The following DCDC2 variants were observed in gnomAD, a reference collection of about 807,000 sequenced individuals.
DCDC2 encodes the protein doublecortin domain-containing protein 2.
Under a neutral mutation model 50.2 loss-of-function variants are expected in DCDC2, and 40 were observed. The ratio of observed to expected loss-of-function variants is 0.80; its 90% CI spans 0.62 to 1.04. The LOEUF is 1.04. DCDC2 is among the 50% of genes least tolerant of loss of function. The pLI, the probability that DCDC2 is intolerant of heterozygous loss-of-function variation, is 0.00. For missense variants in DCDC2, 570 were observed against 581.9 expected (o/e 0.98, Z 0.21); for synonymous variants, 234 against 210.6 (o/e 1.11, Z -0.96).
chr6:24,271,350 A>G (rs1423985090), intron 7 of DCDC2, among the ~76,000 whole-genome samples: 1 of 152,178 alleles, frequency 6.6e-6, no homozygotes, highest in Non-Finnish European at 1.5e-5. Context: ...GCAAGAAGCA[A>G]AGAGGCCCTG....
intron 7 of DCDC2, among the ~76,000 whole-genome samples, chr6:24,228,395 C>T (rs764020883): frequency 6.6e-5 from 10 of 152,184 alleles, no homozygotes; most frequent in South Asian, 2.1e-4. Context: ...TTAAGTCTAA[C>T]GGTTGTCAAA....
chr6:24,264,040 G>T (rs1456025481), intron 7 of DCDC2, among the ~76,000 whole-genome samples: 1 of 152,188 alleles, frequency 6.6e-6, no homozygotes, highest in Non-Finnish European at 1.5e-5. Context: ...TCTGGTAGCA[G>T]ATTTCTCATT....
In DCDC2 at chr6:24,334,090, C is replaced by A. The variant is rs533526121; in HGVS notation, c.348+19479G>T. Among the ~76,000 whole-genome samples, 71 of 152,276 alleles carry A rather than the reference C, an allele frequency of 4.7e-4. 1 individual carries two copies. Among genetic ancestry groups the A allele is most frequent in the Non-Finnish European group, 8.4e-4 (57 of 68,016 alleles). On this transcript the variant is annotated intron_variant, in intron 2 of 9. Transcript: ENST00000378454. ...TATTGCTAATTGGAGTACAGTAATT[C>A]TGAAGCATGATTAGTGGAATTTGTT... is the stretch of plus-strand genomic sequence containing the variant.
chr6:24,179,971 A>AAAC (rs1554142617), intron 8 of DCDC2, among the ~76,000 whole-genome samples: 1 of 147,942 alleles, frequency 6.8e-6, no homozygotes, highest in Non-Finnish European at 1.5e-5. Context: ...AAAAAAAAAA[A>AAAC]CAAGGGGTGG....
At chr6:24,275,738 A>C (rs1382603110) in intron 7 of DCDC2, among the ~76,000 whole-genome samples, 1 of 152,168 alleles carries the variant, frequency 6.6e-6, no homozygotes, top group East Asian at 1.9e-4. Flanking sequence ...AGGAAGGCTT[A>C]TACCTTTTCT....
At chr6:24,182,629 G>A (rs77226117) in intron 8 of DCDC2, among the ~76,000 whole-genome samples, 196 of 105,824 alleles carry the variant, frequency 1.9e-3, no homozygotes, top group Non-Finnish European at 2.5e-3. Flanking sequence ...ATGATGACAA[G>A]AAAAAAAAAA....
At chr6:24,334,268 G>C (rs1760017903) in intron 2 of DCDC2, among the ~76,000 whole-genome samples, 1 of 152,176 alleles carries the variant, frequency 6.6e-6, no homozygotes, top group Non-Finnish European at 1.5e-5. Context: ...ATACTTACTG[G>C]AAATGCTGGA....
intron 4 of DCDC2, among the ~76,000 whole-genome samples, chr6:24,299,646 G>A (rs988878299): frequency 1.3e-5 from 2 of 152,220 alleles, no homozygotes; most frequent in African/African-American, 4.8e-5. Flanking sequence ...AGTCGCAGTG[G>A]CTCACACCTG....
At chr6:24,192,494 A>G (rs1561884545) in intron 8 of DCDC2, among the ~76,000 whole-genome samples, 2 of 152,174 alleles carry the variant, frequency 1.3e-5, no homozygotes, top group Non-Finnish European at 2.9e-5. Context: ...GACAAAGAAA[A>G]CAAAAAAGAA....
intron 7 of DCDC2, among the ~76,000 whole-genome samples, chr6:24,249,571 A>G (rs1461317728): frequency 6.6e-6 from 1 of 152,226 alleles, no homozygotes; most frequent in African/African-American, 2.4e-5. Flanking sequence ...TTAGGTTTCT[A>G]TCTCCTTATA....
At chr6:24,201,154 T>C (rs982794166) in intron 8 of DCDC2, among the ~76,000 whole-genome samples, 1 of 152,128 alleles carries the variant, frequency 6.6e-6, no homozygotes, top group African/African-American at 2.4e-5. Flanking sequence ...CAAGCAGACC[T>C]AATAGACATC....
chr6:24,362,930 G>A (rs1369814908), upstream of DCDC2, among the ~76,000 whole-genome samples: 1 of 152,124 alleles, frequency 6.6e-6, no homozygotes, highest in East Asian at 1.9e-4. Flanking sequence ...CTTCTCTCTT[G>A]TGCAAAGTCC....
intron 7 of DCDC2, among the ~76,000 whole-genome samples, chr6:24,238,918 G>T (rs1010222017): frequency 6.6e-6 from 1 of 152,158 alleles, no homozygotes; most frequent in Admixed American, 6.5e-5. Flanking sequence ...CTCAAGGTGT[G>T]CAAGCAACTC....
intron 2 of DCDC2, among the ~76,000 whole-genome samples, chr6:24,348,674 G>C (rs1432672023): frequency 6.6e-6 from 1 of 152,088 alleles, no homozygotes; most frequent in Non-Finnish European, 1.5e-5. Flanking sequence ...TTTGATCTAA[G>C]AGAAGCAGGC....
intron 6 of DCDC2, among the ~76,000 whole-genome samples, chr6:24,285,037 C>G (rs66531067): frequency 3.3e-5 from 5 of 151,970 alleles, no homozygotes; most frequent in Admixed American, 2.0e-4. Context: ...TACCCTCCCC[C>G]CCACACACAC....
chr6:24,191,929 C>G (rs1761321639), intron 8 of DCDC2, among the ~76,000 whole-genome samples: 1 of 152,066 alleles, frequency 6.6e-6, no homozygotes, highest in African/African-American at 2.4e-5. Flanking sequence ...GAAAGGGAAG[C>G]CAAGAAGCAA....
intron 1 of DCDC2, 132 bp downstream of exon 1, chr6:24,357,326 G>C: frequency 9.4e-7 from 1 of 1,065,690 alleles, no homozygotes; most frequent in Non-Finnish European, 1.3e-6. Context: ...AGTTTTGAGG[G>C]GCATCAATCA....
intron 2 of DCDC2, among the ~76,000 whole-genome samples, chr6:24,305,371 T>A (rs1759452032): frequency 6.6e-6 from 1 of 152,176 alleles, no homozygotes. Context: ...ATAACTAAAT[T>A]ACTGTTTTCA....
At chr6:24,238,561 A>G (rs1447551930) in intron 7 of DCDC2, among the ~76,000 whole-genome samples, 1 of 151,970 alleles carries the variant, frequency 6.6e-6, no homozygotes, top group Non-Finnish European at 1.5e-5. Flanking sequence ...AGCCTCCCAA[A>G]GTGCTGGGAT....
Sources: gnomAD v4.1 joint callset for allele counts (sites outside exome capture counted in the v4.1 genomes callset) on GRCh38, gnomAD v4.1.1 for gene constraint, MANE v1.5 for transcripts, NCBI Gene and HGNC (gene_info 2026-07-23, HGNC 2026-07-21) for gene names.